NTRK3: variants seen among roughly 807,000 people sequenced by gnomAD.
NTRK3 encodes neurotrophic receptor tyrosine kinase 3.
In NTRK3, 24 loss-of-function variants were observed where a neutral mutation model predicts 91.7. The observed-to-expected ratio is 0.26, with a 90% CI of 0.19 to 0.37. The LOEUF (loss-of-function observed/expected upper bound fraction) is 0.37. Ranked by LOEUF, NTRK3 falls within the 10% of genes least tolerant of loss-of-function variation. NTRK3 has a pLI of 1.00. For missense variants in NTRK3, 880 were observed against 1,068.9 expected, an observed-to-expected ratio of 0.82 and a Z score of 2.46; for synonymous variants, 483 against 404.0, an observed-to-expected ratio of 1.20 and a Z score of -2.34.
rs371946738 is a variant in NTRK3, at chr15:88,080,246, C to G, written c.1396+46025G>C. On this transcript the variant is annotated intron_variant, in intron 13 of 18. Transcript: ENST00000394480. ...ATGCCAAAACATGGAATTGCTCAGT[C>G]AAAGAGAATATCTTTTTTAAGGTTT... 1.1e-4 allele frequency among the ~76,000 whole-genome samples: 17 copies of G among 152,278 alleles called. 1 individual carries two copies. Among genetic ancestry groups the G allele is most frequent in the African/African-American group, 3.8e-4 (16 of 41,568 alleles).
chr15:88,184,242 G>A, exon 4 of NTRK3: 1 of 1,614,144 alleles, frequency 6.2e-7, no homozygotes, highest in Non-Finnish European at 8.5e-7. Flanking sequence ...GAAGTCCGGT[G>A]TAGAGCTCCA....
At chr15:87,907,702 T>G (rs757282684) in intron 17 of NTRK3, among the ~76,000 whole-genome samples, 3 of 152,176 alleles carry the variant, frequency 2.0e-5, no homozygotes, top group Non-Finnish European at 4.4e-5. Flanking sequence ...AGGTGAATTC[T>G]GTGGTTCTGT....
chr15:88,143,810 T>C (rs2151284760), intron 6 of NTRK3: 1 of 152,380 alleles, frequency 6.6e-6, no homozygotes, highest in South Asian at 2.1e-4. Flanking sequence ...TCCCCGCTAC[T>C]GAGTTAATAT....
rs190077383 is a variant in NTRK3, at chr15:87,925,618, C to T, written c.2133+3573G>A. The T allele has an allele frequency of 6.2e-5, 13 of 208,068 alleles. No individual in the cohort carries two copies. Among genetic ancestry groups the T allele is most frequent in the Middle Eastern group, 1.5e-3 (1 of 648 alleles). The allele number at this position is 208,068 out of a possible 1,614,324, so 12.9% of individuals were successfully genotyped here. A position where few individuals can be genotyped will look rare whatever the true frequency, so the allele number is the denominator to read the frequency against. On this transcript the variant is annotated intron_variant, in intron 17 of 18. Transcript: ENST00000394480. ...GAGAGAATCCTTCACAGTATTCTCG[C>T]GATCTGACAAATCAGAGCATTCCTC... is the stretch of plus-strand genomic sequence containing the variant.
chr15:88,089,483 C>A (rs2048812107), intron 13 of NTRK3, among the ~76,000 whole-genome samples: 1 of 152,166 alleles, frequency 6.6e-6, no homozygotes, highest in African/African-American at 2.4e-5. Flanking sequence ...TATAGTACGT[C>A]CAAGTGATGT....
chr15:87,969,210 C>T (rs2141259065), intron 14 of NTRK3, among the ~76,000 whole-genome samples: 1 of 152,242 alleles, frequency 6.6e-6, no homozygotes, highest in East Asian at 1.9e-4. Context: ...GAGATGCTTC[C>T]CACTCATATC....
intron 10 of NTRK3, among the ~76,000 whole-genome samples, chr15:88,133,070 G>C (rs541795530): frequency 6.6e-6 from 1 of 152,120 alleles, no homozygotes; most frequent in African/African-American, 2.4e-5. Flanking sequence ...CTCTGATTCC[G>C]TAGATGTGAG....
intron 17 of NTRK3, among the ~76,000 whole-genome samples, chr15:87,897,452 A>G (rs913899270): frequency 6.6e-6 from 1 of 152,178 alleles, no homozygotes; most frequent in Non-Finnish European, 1.5e-5. Flanking sequence ...GGCTCCACTG[A>G]GGCCTCCTGG....
At chr15:88,031,206 C>T (rs2078503691) in intron 14 of NTRK3, among the ~76,000 whole-genome samples, 1 of 152,206 alleles carries the variant, frequency 6.6e-6, no homozygotes, top group Non-Finnish European at 1.5e-5. Context: ...AACCTAACCT[C>T]GTGTCTTCCC....
At chr15:88,238,617 A>G (rs1254081479) in intron 3 of NTRK3, among the ~76,000 whole-genome samples, 2 of 152,192 alleles carry the variant, frequency 1.3e-5, no homozygotes, top group Non-Finnish European at 2.9e-5. Flanking sequence ...TATATCGGTC[A>G]TTGTGATGTT....
rs79720935 is a variant in NTRK3 at position 87,866,738 on chromosome 15, C to G, written c.*10197G>C. ...TAGAAAGGAAGCATATTATCAGGTTCAGTTCTGTGCTTAAGATATAAACCT... is the reference window on the plus strand; with the variant it reads ...TAGAAAGGAAGCATATTATCAGGTTGAGTTCTGTGCTTAAGATATAAACCT... On this transcript the variant is annotated 3_prime_UTR_variant, in exon 19 of 19. Coordinates refer to ENST00000394480, the Ensembl canonical transcript of NTRK3. 870 of 190,572 alleles carry G rather than the reference C, an allele frequency of 4.6e-3. 7 individuals carry two copies. The highest frequency in any genetic ancestry group is 0.017 in the Middle Eastern group (9 of 532). The allele number at this position is 190,572 out of a possible 1,614,324, so 11.8% of individuals were successfully genotyped here.
At position 87,921,172 on chromosome 15, in the gene NTRK3, A is replaced by G. The variant is rs191939890; in HGVS notation, c.2133+8019T>C. Among the ~76,000 whole-genome samples, 27 of 152,292 alleles carry G rather than the reference A, an allele frequency of 1.8e-4. No homozygotes were observed. In the East Asian group the frequency reaches 5.2e-3, roughly 29 times the overall value. On this transcript the variant is annotated intron_variant, in intron 17 of 18. Coordinates refer to ENST00000394480, the Ensembl canonical transcript of NTRK3. ...AACCACTTCCTCGGGAATGGAATAC[A>G]ACGCTCCTCCATTGTTCTCCTCTAT...
chr15:88,127,438 C>G (rs564168486), intron 11 of NTRK3, among the ~76,000 whole-genome samples: 2 of 152,266 alleles, frequency 1.3e-5, no homozygotes, highest in African/African-American at 2.4e-5. Context: ...GCTGGTGTTA[C>G]AGTTCAAGCA....
chr15:87,943,211 C>A (rs780336898), intron 14 of NTRK3, among the ~76,000 whole-genome samples: 3 of 152,154 alleles, frequency 2.0e-5, no homozygotes, highest in Non-Finnish European at 4.4e-5. Context: ...CACCAGAACA[C>A]GGCTTCTTTG....
At chr15:88,032,948 G>A (rs372080536) in exon 14 of NTRK3, 144 of 1,613,276 alleles carry the variant, frequency 8.9e-5, no homozygotes, top group Middle Eastern at 1.7e-4. Flanking sequence ...CCACAGTGTC[G>A]GGCCCGGCAT....
In NTRK3 at chr15:87,896,617, CTG is replaced by C. The variant is rs562566233; in HGVS notation, c.2134-16191_2134-16190del. Among the ~76,000 whole-genome samples, 104 of 152,142 alleles carry C rather than the reference CTG, an allele frequency of 6.8e-4. 1 individual carries two copies. Among genetic ancestry groups the C allele is most frequent in the African/African-American group, 2.3e-3 (96 of 41,504 alleles). On this transcript the variant is annotated intron_variant, in intron 17 of 18. Coordinates refer to ENST00000394480, the Ensembl canonical transcript of NTRK3. ...AGACTTTGAGTCACCTGGTAGAACTCTGTGTTCTCCCCAGTTTGTGTGGGTGC... is the reference window on the plus strand; with the variant it reads ...AGACTTTGAGTCACCTGGTAGAACTCTGTTCTCCCCAGTTTGTGTGGGTGC...
At position 88,235,350 on chromosome 15, in the gene NTRK3, C is replaced by G. The variant is rs1567694670; in HGVS notation, c.248+20556G>C. The stretch of plus-strand genomic sequence containing the variant: ...GGCAGGCTGGGCTGGTCGCTGGACC[C>G]ACGCAGTCAGTACCCTGCCGCAGAC... On this transcript the variant is annotated intron_variant, in intron 3 of 18. Transcript: ENST00000394480. This position sits in a 1 kb window ranked among gnomAD's most constrained non-coding sequence, Gnocchi z 5.2. Among the ~76,000 whole-genome samples, 1 of 152,218 alleles carries G rather than the reference C, an allele frequency of 6.6e-6. No homozygotes were observed. The highest frequency in any genetic ancestry group is 1.5e-5 in the Non-Finnish European group (1 of 68,038).
chr15:88,023,933 T>C (rs897895842), intron 14 of NTRK3, among the ~76,000 whole-genome samples: 1 of 152,206 alleles, frequency 6.6e-6, no homozygotes, highest in Admixed American at 6.5e-5. Context: ...CCATTTTCCG[T>C]ATTTCATCTG....
At chr15:88,115,048 G>C (rs934242613) in intron 13 of NTRK3, among the ~76,000 whole-genome samples, 1 of 152,150 alleles carries the variant, frequency 6.6e-6, no homozygotes, top group Non-Finnish European at 1.5e-5. Flanking sequence ...ATTACCTTAG[G>C]TTAAATTCTC....
Sources: gnomAD v4.1 joint callset for allele counts (sites outside exome capture counted in the v4.1 genomes callset) on GRCh38, gnomAD v4.1.1 for gene constraint, Gnocchi (gnomAD v3.1) non-coding constraint, MANE v1.5 for transcripts, NCBI Gene and HGNC (gene_info 2026-07-23, HGNC 2026-07-21) for gene names.